AMER2: variants seen among roughly 807,000 people sequenced by gnomAD.
The protein encoded by AMER2 is APC membrane recruitment protein 2.
A neutral mutation model predicts 4.7 loss-of-function variants in AMER2; 1 was observed. That is an observed-to-expected ratio of 0.21 (90% CI 0.07 to 1.00). The LOEUF is 1.00. Among genes scored for constraint, AMER2 ranks in the 50% least tolerant of loss-of-function variants. AMER2 has a pLI of 0.60. For missense variants in AMER2, 988 were observed against 966.9 expected (o/e 1.02, Z -0.29); for synonymous variants, 485 against 433.3 (o/e 1.12, Z -1.48).
Position 25,171,377 on chromosome 13 carries a change from G to C in AMER2, c.243C>G (p.Pro81=), listed in dbSNP as rs1462335195. 1 of 1,612,678 alleles carries C rather than the reference G, an allele frequency of 6.2e-7. No homozygotes were observed. The highest frequency in any genetic ancestry group is 8.5e-7 in the Non-Finnish European group (1 of 1,179,614). The change falls in exon 1 of 1, where the codon CCC becomes CCG. Residue 81 remains proline, a synonymous_variant. Coordinates refer to ENST00000515384, the MANE Select transcript of AMER2 (RefSeq NM_152704.4). The surrounding 1 kb of genome is among the most constrained non-coding windows in gnomAD (Gnocchi z 5.9). ...FKKRKSGGTM[P]SIFGVKNKGD... ...CTTTGTTTTTGACCCCAAAAATGCTGGGCATGGTGCCACCCGATTTCCTCT... is the reference window on the plus strand; with the variant it reads ...CTTTGTTTTTGACCCCAAAAATGCTCGGCATGGTGCCACCCGATTTCCTCT...
rs1566016186 is a variant in AMER2 at position 25,170,790 on chromosome 13, G to A, written c.830C>T (p.Pro277Leu). The A allele has an allele frequency of 5.1e-6, 7 of 1,365,162 alleles. No homozygotes were observed. The South Asian group carries it at 9.5e-5, about 19-fold the overall frequency. 84.6% of individuals were successfully genotyped at this position (1,365,162 alleles called of 1,614,324 possible). Residue 277 changes from proline (P) to leucine (L), a missense_variant, in exon 1 of 1, where the codon CCA (proline) becomes CTA (leucine). Pro to Leu is a moderately conservative substitution (Grantham distance 98). Transcript: ENST00000515384. The surrounding 1 kb of genome is among the most constrained non-coding windows in gnomAD (Gnocchi z 7.3). ...EEVPAPADRA[P>L]ARSCREAEGL... is the part of the protein sequence containing the mutation. ...CTCTGCCTCTCGGCAGCTCCGCGCT[G>A]GGGCGCGGTCGGCGGGGGCGGGCAC...
Position 25,164,674 on chromosome 13 carries a change from A to G in AMER2, c.*4930T>C, listed in dbSNP as rs901523093. The G allele has an allele frequency of 2.0e-5, 3 of 147,416 alleles. No homozygotes were observed. In the Admixed American group the frequency reaches 2.1e-4, roughly 10 times the overall value. The allele number at this position is 147,416 out of a possible 1,614,324, so 9.1% of individuals were successfully genotyped here. A position where few individuals can be genotyped will look rare whatever the true frequency, so the allele number is the denominator to read the frequency against. On this transcript the variant is annotated 3_prime_UTR_variant, in exon 1 of 1. Transcript: ENST00000515384. ...CTGGGGAGATAATATTACCTACCCC[A>G]CATGGCTGTTAAGAGGACTAAGTAA...
chr13:25,169,832 C>T lies in AMER2; in HGVS notation c.1788G>A (p.Leu596=). ...PVSPGTITCP[L]RTPGSLLKDS... ...CCTTCAGCAAGCTGCCTGGTGTTCG[C>T]AGTGGACAGGTGATGGTGCCTGGAG... The change falls in exon 1 of 1, where the codon CTG becomes CTA. Residue 596 remains leucine (L), a synonymous_variant. Transcript: ENST00000515384. The surrounding 1 kb of genome is among the most constrained non-coding windows in gnomAD (Gnocchi z 4.2). The T allele has an allele frequency of 1.2e-6, 2 of 1,614,006 alleles. No homozygotes were observed. Among genetic ancestry groups the T allele is most frequent in the Non-Finnish European group, 1.7e-6 (2 of 1,179,932 alleles).
chr13:25,169,910 A>G lies in AMER2; in HGVS notation c.1710T>C (p.Pro570=). 1.2e-6 allele frequency: 2 copies of G among 1,614,132 alleles called. No individual in the cohort carries two copies. Among genetic ancestry groups the G allele is most frequent in the Non-Finnish European group, 1.7e-6 (2 of 1,180,002 alleles). Residue 570 remains proline, a synonymous_variant, in exon 1 of 1, where the codon CCT becomes CCC. Coordinates refer to ENST00000515384, the MANE Select transcript of AMER2 (RefSeq NM_152704.4). This position sits in a 1 kb window ranked among gnomAD's most constrained non-coding sequence, Gnocchi z 4.2. The part of the protein sequence containing the change: ...ADPDGSPATL[P]GGKDNEETSS... ...ACGTCTCCTCGTTGTCCTTCCCTCC[A>G]GGAAGGGTTGCTGGACTTCCGTCCG...
Position 25,171,023 on chromosome 13 carries a change from G to A in AMER2, c.597C>T (p.Ser199=), listed in dbSNP as rs760061851. ...TGTCTTTCCTGTGCCAGCGCATGCCGCTGAACAGCCCCCGCAGCCCCCGCT... is the reference window on the plus strand; with the variant it reads ...TGTCTTTCCTGTGCCAGCGCATGCCACTGAACAGCCCCCGCAGCCCCCGCT... ...KQKRGLRGLF[S]GMRWHRKDKR... The change falls in exon 1 of 1, where the codon AGC becomes AGT. Residue 199 remains serine, a synonymous_variant. Transcript: ENST00000515384. The surrounding 1 kb of genome is among the most constrained non-coding windows in gnomAD (Gnocchi z 5.9). The A allele has an allele frequency of 6.4e-6, 10 of 1,571,640 alleles. No individual in the cohort carries two copies. Among genetic ancestry groups the A allele is most frequent in the Admixed American group, 1.8e-5 (1 of 55,158 alleles).
In AMER2 at chr13:25,165,142, T is replaced by C. The variant is rs1272368463; in HGVS notation, c.*4462A>G. 1 of 152,274 alleles carries C rather than the reference T, an allele frequency of 6.6e-6. No homozygotes were observed. The highest frequency in any genetic ancestry group is 1.5e-5 in the Non-Finnish European group (1 of 68,050). The allele number at this position is 152,274 out of a possible 1,614,324, so 9.4% of individuals were successfully genotyped here. ...CCTTTCCGTAATCACGAAACTATCA[T>C]TCTGAATCACCTCTTAAAAACATCA... On this transcript the variant is annotated 3_prime_UTR_variant, in exon 1 of 1. Coordinates refer to ENST00000515384, the MANE Select transcript of AMER2 (RefSeq NM_152704.4).
chr13:25,171,454 C>T lies in AMER2; in HGVS notation c.166G>A (p.Ala56Thr), dbSNP rs1040103425. The change falls in exon 1 of 1, where the codon GCC (alanine) becomes ACC (threonine). Residue 56 changes from alanine to threonine, a missense_variant. Coordinates refer to ENST00000515384, the MANE Select transcript of AMER2 (RefSeq NM_152704.4). This position sits in a 1 kb window ranked among gnomAD's most constrained non-coding sequence, Gnocchi z 5.9. Reference sequence around the variant, plus strand: ...TTAATCTTCCCCGACGGCGGCTCGGCGGCCGGCGTTTCGGCGGCACAGTCA... The same window carrying T: ...TTAATCTTCCCCGACGGCGGCTCGGTGGCCGGCGTTTCGGCGGCACAGTCA... ...HCDCAAETPA[A>T]EPPSGKINKA... 2.5e-6 allele frequency: 4 copies of T among 1,611,360 alleles called. No individual in the cohort carries two copies. The African/African-American group carries it at 5.4e-5, about 22-fold the overall frequency.
In AMER2 at chr13:25,169,575, G is replaced by A; in HGVS notation, c.*29C>T. 2 of 1,531,698 alleles carry A rather than the reference G, an allele frequency of 1.3e-6. No homozygotes were observed. Among genetic ancestry groups the A allele is most frequent in the Non-Finnish European group, 1.8e-6 (2 of 1,141,256 alleles). 94.9% of individuals were successfully genotyped at this position (1,531,698 alleles called of 1,614,324 possible). Reference sequence around the variant, plus strand: ...AGGGAAAAGTTGTATTCCTTGGCATGGGGCCCATCCACCTTGGCCTGGAAG... The same window carrying A: ...AGGGAAAAGTTGTATTCCTTGGCATAGGGCCCATCCACCTTGGCCTGGAAG... On this transcript the variant is annotated 3_prime_UTR_variant, in exon 1 of 1. Coordinates refer to ENST00000515384, the MANE Select transcript of AMER2 (RefSeq NM_152704.4). This position sits in a 1 kb window ranked among gnomAD's most constrained non-coding sequence, Gnocchi z 4.2.
rs1292519070 is a variant in AMER2, at chr13:25,168,060, T to C, written c.*1544A>G. 1 of 152,186 alleles carries C rather than the reference T, an allele frequency of 6.6e-6. No individual in the cohort carries two copies. The highest frequency in any genetic ancestry group is 1.5e-5 in the Non-Finnish European group (1 of 68,016). 9.4% of individuals were successfully genotyped at this position (152,186 alleles called of 1,614,324 possible). A position where few individuals can be genotyped will look rare whatever the true frequency, so the allele number is the denominator to read the frequency against. ...TAGAAGCTCTGGTCTTTTGATTAAATACACTGAAGTGTATTTCAAAAAGGA... is the reference window on the plus strand; with the variant it reads ...TAGAAGCTCTGGTCTTTTGATTAAACACACTGAAGTGTATTTCAAAAAGGA... On this transcript the variant is annotated 3_prime_UTR_variant, in exon 1 of 1. Transcript: ENST00000515384.
In AMER2 at chr13:25,162,194, T is replaced by C. The variant is rs563945908; in HGVS notation, c.*7410A>G. ...ATGCCTGACTTTCAGGAAAGCTAAT[T>C]ATGGAAATGGAGTTTCTCGTTTGGG... On this transcript the variant is annotated 3_prime_UTR_variant, in exon 1 of 1. Coordinates refer to ENST00000515384, the MANE Select transcript of AMER2 (RefSeq NM_152704.4). The C allele has an allele frequency of 1.3e-5, 2 of 152,242 alleles. No individual in the cohort carries two copies. The highest frequency in any genetic ancestry group is 1.3e-4 in the Admixed American group (2 of 15,290). 9.4% of individuals were successfully genotyped at this position (152,242 alleles called of 1,614,324 possible).
chr13:25,161,913 A>C lies in AMER2; in HGVS notation c.*7691T>G, dbSNP rs1224891873. On this transcript the variant is annotated 3_prime_UTR_variant, in exon 1 of 1. Transcript: ENST00000515384. Reference sequence around the variant, plus strand: ...ATATACAAAATACCCAAAATAAAATATTTACAGGTTTAAAAATATAAACAT... The same window carrying C: ...ATATACAAAATACCCAAAATAAAATCTTTACAGGTTTAAAAATATAAACAT... 1 of 152,148 alleles carries C rather than the reference A, an allele frequency of 6.6e-6. No homozygotes were observed. Among genetic ancestry groups the C allele is most frequent in the East Asian group, 1.9e-4 (1 of 5,200 alleles). The allele number at this position is 152,148 out of a possible 1,614,324, so 9.4% of individuals were successfully genotyped here. A position where few individuals can be genotyped will look rare whatever the true frequency, so the allele number is the denominator to read the frequency against.
chr13:25,170,630 G>C lies in AMER2; in HGVS notation c.990C>G (p.Val330=). The C allele has an allele frequency of 6.4e-7, 1 of 1,561,512 alleles. No individual in the cohort carries two copies. Residue 330 remains valine, a synonymous_variant, in exon 1 of 1, where the codon GTC becomes GTG. Coordinates refer to ENST00000515384, the MANE Select transcript of AMER2 (RefSeq NM_152704.4). This position sits in a 1 kb window ranked among gnomAD's most constrained non-coding sequence, Gnocchi z 7.3. ...TGCCGCCTTCGGAGTCGACAAGGGG[G>C]ACCGTCTTTACGGGAACGGCCCCCG... ...SRTGAVPVKT[V]PLVDSEGGSG...
rs1956562833 is a variant in AMER2, at chr13:25,171,007, T to C, written c.613A>G (p.Arg205Gly). The change falls in exon 1 of 1, where the codon AGG (arginine) becomes GGG (glycine). Residue 205 changes from arginine (R) to glycine (G), a missense_variant. Arg to Gly is a moderately radical substitution (Grantham distance 125). Transcript: ENST00000515384. This position sits in a 1 kb window ranked among gnomAD's most constrained non-coding sequence, Gnocchi z 5.9. Reference sequence around the variant, plus strand: ...TCCGCCTTGGCCCGCTTGTCTTTCCTGTGCCAGCGCATGCCGCTGAACAGC... The same window carrying C: ...TCCGCCTTGGCCCGCTTGTCTTTCCCGTGCCAGCGCATGCCGCTGAACAGC... ...RGLFSGMRWH[R>G]KDKRAKAEAA... 6.4e-6 allele frequency: 10 copies of C among 1,567,098 alleles called. No individual in the cohort carries two copies. The highest frequency in any genetic ancestry group is 8.6e-6 in the Non-Finnish European group (10 of 1,158,154).
rs1956511257 is a variant in AMER2, at chr13:25,168,858, A to C, written c.*746T>G. The C allele has an allele frequency of 6.5e-6, 1 of 152,686 alleles. No homozygotes were observed. The highest frequency in any genetic ancestry group is 6.5e-5 in the Admixed American group (1 of 15,282). The allele number at this position is 152,686 out of a possible 1,614,324, so 9.5% of individuals were successfully genotyped here. ...GGTGGGGGAAGAAACAAACAAAAGCAAAAGCAAAAGCCTGCTCTCCTGAGC... is the reference window on the plus strand; with the variant it reads ...GGTGGGGGAAGAAACAAACAAAAGCCAAAGCAAAAGCCTGCTCTCCTGAGC... On this transcript the variant is annotated 3_prime_UTR_variant, in exon 1 of 1. Transcript: ENST00000515384.
At position 25,165,791 on chromosome 13, in the gene AMER2, A is replaced by G. The variant is rs1423695832; in HGVS notation, c.*3813T>C. On this transcript the variant is annotated 3_prime_UTR_variant, in exon 1 of 1. Transcript: ENST00000515384. Reference sequence around the variant, plus strand: ...CCAGCATCAGGGGAGCCAAATCCATATATTTGTAATTCAGGAGAAAAATTC... The same window carrying G: ...CCAGCATCAGGGGAGCCAAATCCATGTATTTGTAATTCAGGAGAAAAATTC... 3 of 152,262 alleles carry G rather than the reference A, an allele frequency of 2.0e-5. No homozygotes were observed. Among genetic ancestry groups the G allele is most frequent in the African/African-American group, 7.2e-5 (3 of 41,464 alleles). 9.4% of individuals were successfully genotyped at this position (152,262 alleles called of 1,614,324 possible).
chr13:25,171,449 CTCGGCGGCCGGCGTT>C lies in AMER2; in HGVS notation c.156_170del (p.Thr53_Glu57del), dbSNP rs1288805529. On this transcript the variant is annotated inframe_deletion, in exon 1 of 1. Coordinates refer to ENST00000515384, the MANE Select transcript of AMER2 (RefSeq NM_152704.4). This position sits in a 1 kb window ranked among gnomAD's most constrained non-coding sequence, Gnocchi z 5.9. ...CTTTATTAATCTTCCCCGACGGCGG[CTCGGCGGCCGGCGTT>C]TCGGCGGCACAGTCACAATGCAAGT... The C allele has an allele frequency of 2.5e-6, 4 of 1,611,846 alleles. No individual in the cohort carries two copies. In the African/African-American group the frequency reaches 4.0e-5, roughly 16 times the overall value.
In AMER2 at chr13:25,165,310, A is replaced by G. The variant is rs1345115162; in HGVS notation, c.*4294T>C. On this transcript the variant is annotated 3_prime_UTR_variant, in exon 1 of 1. Transcript: ENST00000515384. ...CTTCAGAGCAAGATGAGGTCTCACA[A>G]TCAATGGCCGCCTGTGAGGAGCCAC... is the stretch of plus-strand genomic sequence containing the variant. 1 of 152,214 alleles carries G rather than the reference A, an allele frequency of 6.6e-6. No homozygotes were observed. The allele number at this position is 152,214 out of a possible 1,614,324, so 9.4% of individuals were successfully genotyped here.
In AMER2 at chr13:25,169,830, C is replaced by G. The variant is rs1212330843; in HGVS notation, c.1790G>C (p.Arg597Pro). The change falls in exon 1 of 1, where the codon CGA becomes CCA. Residue 597 changes from arginine (R) to proline (P), a missense_variant. Coordinates refer to ENST00000515384, the MANE Select transcript of AMER2 (RefSeq NM_152704.4). This position sits in a 1 kb window ranked among gnomAD's most constrained non-coding sequence, Gnocchi z 4.2. The part of the protein sequence containing the change: ...VSPGTITCPL[R>P]TPGSLLKDSK... ...GTCCTTCAGCAAGCTGCCTGGTGTT[C>G]GCAGTGGACAGGTGATGGTGCCTGG... The G allele has an allele frequency of 6.2e-7, 1 of 1,613,902 alleles. No individual in the cohort carries two copies.
chr13:25,168,352 T>C lies in AMER2; in HGVS notation c.*1252A>G, dbSNP rs1174479602. Reference sequence around the variant, plus strand: ...TGATGTGAAAAACTGTATCTTTCTATTGTTTTTCTTTATGTGTTCCTCATT... The same window carrying C: ...TGATGTGAAAAACTGTATCTTTCTACTGTTTTTCTTTATGTGTTCCTCATT... On this transcript the variant is annotated 3_prime_UTR_variant, in exon 1 of 1. Coordinates refer to ENST00000515384, the MANE Select transcript of AMER2 (RefSeq NM_152704.4). 6.6e-6 allele frequency: 1 copy of C among 152,220 alleles called. No homozygotes were observed. The highest frequency in any genetic ancestry group is 1.5e-5 in the Non-Finnish European group (1 of 68,036). The allele number at this position is 152,220 out of a possible 1,614,324, so 9.4% of individuals were successfully genotyped here.
Sources: gnomAD v4.1 joint callset for allele counts on GRCh38, gnomAD v4.1.1 for gene constraint, Gnocchi (gnomAD v3.1) non-coding constraint, MANE v1.5 for transcripts, NCBI Gene and HGNC (gene_info 2026-07-23, HGNC 2026-07-21) for gene names.